PLCL1: variants seen among roughly 807,000 people sequenced by gnomAD.
PLCL1 encodes phospholipase C like 1 (inactive).
Under a neutral mutation model 84.4 loss-of-function variants are expected in PLCL1, and 41 were observed. That is an observed-to-expected ratio of 0.49 (90% CI 0.38 to 0.63). The LOEUF is 0.63. Among genes scored for constraint, PLCL1 ranks in the 30% least tolerant of loss-of-function variants. PLCL1 has a pLI of 0.00. For synonymous variants in PLCL1, 490 were observed against 488.3 expected (o/e 1.00, Z -0.05); for missense variants, 1,206 against 1,367.8 (o/e 0.88, Z 1.87).
At chr2:197,947,777 A>AAG in intron 1 of PLCL1, among the ~76,000 whole-genome samples, 1 of 152,280 alleles carries the variant, frequency 6.6e-6, no homozygotes, top group Non-Finnish European at 1.5e-5. Flanking sequence ...AGCCCACCCC[A>AAG]AGAGAGAGAC....
chr2:197,963,749 A>G (rs1689669808), intron 1 of PLCL1, among the ~76,000 whole-genome samples: 1 of 151,984 alleles, frequency 6.6e-6, no homozygotes, highest in South Asian at 2.1e-4. Flanking sequence ...ATTCATTTTG[A>G]TTTGATTTTT....
At chr2:197,938,195 T>C (rs1269534126) in intron 1 of PLCL1, among the ~76,000 whole-genome samples, 1 of 152,206 alleles carries the variant, frequency 6.6e-6, no homozygotes, top group Admixed American at 6.5e-5. Context: ...TGACATGTTC[T>C]TTTACATTCA....
rs561759472 is a variant in PLCL1, at chr2:197,927,902, G to C, written c.240+122563G>C. On this transcript the variant is annotated intron_variant, in intron 1 of 5. Coordinates refer to ENST00000428675, the MANE Select transcript of PLCL1 (RefSeq NM_006226.4). Reference sequence around the variant, plus strand: ...GTTATGGCCAGATTATGTGAAAATTGACAAGCAAATATGGTGTAGTTTTCC... The same window carrying C: ...GTTATGGCCAGATTATGTGAAAATTCACAAGCAAATATGGTGTAGTTTTCC... Among the ~76,000 whole-genome samples the C allele has an allele frequency of 2.0e-5, 3 of 152,244 alleles. No homozygotes were observed. The South Asian group carries it at 6.2e-4, about 32-fold the overall frequency.
intron 1 of PLCL1, among the ~76,000 whole-genome samples, chr2:197,989,642 T>G (rs1004096941): frequency 6.6e-6 from 1 of 152,090 alleles, no homozygotes; most frequent in Admixed American, 6.6e-5. Context: ...AGGCGGAGTT[T>G]GCTGTGAGCT....
At chr2:198,103,218 G>C (rs7564543) in intron 4 of PLCL1, among the ~76,000 whole-genome samples, 2,531 of 151,992 alleles carry the variant, frequency 0.017, 46 homozygotes, top group Admixed American at 0.023. Flanking sequence ...ACCAGGAAGA[G>C]GACAAACAAG....
chr2:197,818,406 A>G (rs1285563133), intron 1 of PLCL1, among the ~76,000 whole-genome samples: 1 of 152,126 alleles, frequency 6.6e-6, no homozygotes, highest in Non-Finnish European at 1.5e-5. Context: ...GGGACAAAGT[A>G]GACTTGGAGG....
chr2:198,113,516 G>A (rs999059585), intron 5 of PLCL1, among the ~76,000 whole-genome samples: 1 of 151,840 alleles, frequency 6.6e-6, no homozygotes, highest in Non-Finnish European at 1.5e-5. Flanking sequence ...CCTTAAAAAA[G>A]TGCATGACAC....
At chr2:198,035,016 T>C (rs561526524) in intron 1 of PLCL1, among the ~76,000 whole-genome samples, 1 of 152,342 alleles carries the variant, frequency 6.6e-6, no homozygotes, top group East Asian at 1.9e-4. Context: ...TTTCTGCCCT[T>C]ACTTGTGTTC....
chr2:198,135,439 A>G (rs1285889338), intron 5 of PLCL1, among the ~76,000 whole-genome samples: 2 of 152,220 alleles, frequency 1.3e-5, no homozygotes, highest in African/African-American at 4.8e-5. Context: ...AGGAAAGAGC[A>G]GAGAGCAAGG....
intron 1 of PLCL1, among the ~76,000 whole-genome samples, chr2:198,051,022 G>T (rs1691915360): frequency 6.6e-6 from 1 of 152,250 alleles, no homozygotes; most frequent in African/African-American, 2.4e-5. Context: ...ACAACGTAAA[G>T]AATGAAAATT....
rs573683897 is a variant in PLCL1 at position 197,905,311 on chromosome 2, T to G, written c.240+99972T>G. 1.1e-4 allele frequency among the ~76,000 whole-genome samples: 17 copies of G among 152,358 alleles called. No individual in the cohort carries two copies. The East Asian group carries it at 3.1e-3, about 28-fold the overall frequency. On this transcript the variant is annotated intron_variant, in intron 1 of 5. Coordinates refer to ENST00000428675, the MANE Select transcript of PLCL1 (RefSeq NM_006226.4). ...CCTCCCTGTGTCCATGTGTTCTCAT[T>G]GTTCAACTCACACTTATGAGTGAGA...
chr2:198,130,859 C>G (rs1479516168), intron 5 of PLCL1, among the ~76,000 whole-genome samples: 2 of 152,120 alleles, frequency 1.3e-5, no homozygotes, highest in African/African-American at 4.8e-5. Flanking sequence ...AAAGTCATTT[C>G]TCCTCTATCC....
chr2:198,059,849 T>C (rs1486729525), intron 1 of PLCL1, among the ~76,000 whole-genome samples: 1 of 152,168 alleles, frequency 6.6e-6, no homozygotes, highest in Non-Finnish European at 1.5e-5. Context: ...GTTGCAGGAA[T>C]TCCGTCGATG....
chr2:198,023,636 A>G (rs1017387483), intron 1 of PLCL1, among the ~76,000 whole-genome samples: 1 of 152,244 alleles, frequency 6.6e-6, no homozygotes, highest in Non-Finnish European at 1.5e-5. Context: ...GCCAATGAAC[A>G]TATTTTAAAA....
intron 1 of PLCL1, among the ~76,000 whole-genome samples, chr2:198,037,783 T>C (rs1691580923): frequency 6.6e-6 from 1 of 152,196 alleles, no homozygotes; most frequent in African/African-American, 2.4e-5. Flanking sequence ...TATAAAGAGT[T>C]ATTGTTTCTT....
intron 1 of PLCL1, among the ~76,000 whole-genome samples, chr2:197,954,815 T>A (rs1465580354): frequency 2.0e-5 from 3 of 152,060 alleles, no homozygotes; most frequent in Admixed American, 2.0e-4. Context: ...TCTGACAGAA[T>A]CTAGGAACTA....
intron 1 of PLCL1, among the ~76,000 whole-genome samples, chr2:197,972,919 T>C (rs1294090107): frequency 1.3e-5 from 2 of 152,196 alleles, no homozygotes; most frequent in Non-Finnish European, 2.9e-5. Context: ...CTTTGCATGG[T>C]TGTCAGAAGG....
chr2:197,941,416 C>G (rs1225043097), intron 1 of PLCL1, among the ~76,000 whole-genome samples: 1 of 152,018 alleles, frequency 6.6e-6, no homozygotes, highest in Non-Finnish European at 1.5e-5. Flanking sequence ...CTTAGCCTCC[C>G]AAGTAGCTGG....
chr2:197,880,194 T>C (rs946930678), intron 1 of PLCL1, among the ~76,000 whole-genome samples: 4 of 152,186 alleles, frequency 2.6e-5, no homozygotes, highest in Non-Finnish European at 5.9e-5. Flanking sequence ...GCAGTGCTTA[T>C]GTATGAGCAG....
Sources: gnomAD v4.1 joint callset for allele counts (sites outside exome capture counted in the v4.1 genomes callset) on GRCh38, gnomAD v4.1.1 for gene constraint, MANE v1.5 for transcripts, NCBI Gene and HGNC (gene_info 2026-07-23, HGNC 2026-07-21) for gene names.